Variants in WDR7 observed in about 807,000 individuals in gnomAD.
WDR7 encodes the protein WD repeat domain 7.
Under a neutral mutation model 169.4 loss-of-function variants are expected in WDR7, and 46 were observed. The observed-to-expected ratio is 0.27, with a 90% CI of 0.21 to 0.35. WDR7 has a LOEUF of 0.35. Among genes scored for constraint, WDR7 ranks in the 10% least tolerant of loss-of-function variants. WDR7 has a pLI of 1.00. For missense variants in WDR7, 1,534 were observed against 1,859.3 expected, an observed-to-expected ratio of 0.83 and a Z score of 3.22; for synonymous variants, 612 against 666.8, an observed-to-expected ratio of 0.92 and a Z score of 1.27.
intron 26 of WDR7, among the ~76,000 whole-genome samples, chr18:56,989,115 C>A (rs1459124271): frequency 1.3e-5 from 2 of 150,654 alleles, no homozygotes; most frequent in Non-Finnish European, 2.9e-5. Flanking sequence ...AATACCATGG[C>A]TAATTTTATA....
At chr18:56,688,460 G>A (rs375548733) in intron 7 of WDR7, among the ~76,000 whole-genome samples, 4 of 151,828 alleles carry the variant, frequency 2.6e-5, no homozygotes, top group South Asian at 2.1e-4. Context: ...GCTCATGCCT[G>A]TAATCCCAGC....
At chr18:56,685,677 T>C (rs1037853877) in intron 5 of WDR7, among the ~76,000 whole-genome samples, 2 of 152,200 alleles carry the variant, frequency 1.3e-5, no homozygotes, top group Non-Finnish European at 1.5e-5. Context: ...ATTGTTAACA[T>C]AGTAATCAAG....
intron 14 of WDR7, among the ~76,000 whole-genome samples, chr18:56,735,063 T>C (rs1050992381): frequency 6.6e-6 from 1 of 152,150 alleles, no homozygotes; most frequent in African/African-American, 2.4e-5. Context: ...TTTGATTGCT[T>C]AAGAAATATT....
chr18:56,730,117 C>T (rs998855742), intron 13 of WDR7, among the ~76,000 whole-genome samples: 1 of 152,168 alleles, frequency 6.6e-6, no homozygotes, highest in Non-Finnish European at 1.5e-5. Flanking sequence ...TACTCTGTGC[C>T]TCCAATGTGC....
intron 21 of WDR7, among the ~76,000 whole-genome samples, chr18:56,909,488 T>G (rs146810826): frequency 1.4e-3 from 212 of 152,280 alleles, no homozygotes; most frequent in African/African-American, 4.9e-3. Context: ...ATAGAAATAA[T>G]TATAGCAAGT....
chr18:56,664,786 G>T (rs531669808), intron 1 of WDR7, among the ~76,000 whole-genome samples: 2 of 152,256 alleles, frequency 1.3e-5, no homozygotes, highest in South Asian at 2.1e-4. Context: ...GAGAAACATA[G>T]GCTGTACAAA....
chr18:56,918,772 A>G (rs2046667537), intron 21 of WDR7, among the ~76,000 whole-genome samples: 1 of 152,206 alleles, frequency 6.6e-6, no homozygotes, highest in Non-Finnish European at 1.5e-5. Flanking sequence ...ACCTGTGCAT[A>G]ATTTTGACTG....
chr18:56,890,703 C>T (rs1848721003), intron 21 of WDR7: 1 of 152,168 alleles, frequency 6.6e-6, no homozygotes, highest in Non-Finnish European at 1.5e-5. Flanking sequence ...ACCTGGCCAT[C>T]CTGGCACTTG....
At chr18:56,781,040 C>T (rs1321727337) in intron 18 of WDR7, among the ~76,000 whole-genome samples, 1 of 152,046 alleles carries the variant, frequency 6.6e-6, no homozygotes, top group South Asian at 2.1e-4. Context: ...CTTAGGTATA[C>T]GTGAATCATG....
At chr18:56,818,677 A>G (rs897192915) in intron 20 of WDR7, among the ~76,000 whole-genome samples, 1 of 152,202 alleles carries the variant, frequency 6.6e-6, no homozygotes, top group Non-Finnish European at 1.5e-5. Context: ...TTAGAAGAAA[A>G]CCATATTTCT....
intron 20 of WDR7, among the ~76,000 whole-genome samples, chr18:56,871,593 T>C (rs1373969165): frequency 6.6e-6 from 1 of 152,152 alleles, no homozygotes; most frequent in Non-Finnish European, 1.5e-5. Context: ...AGAAACACTT[T>C]TATTGTTTAT....
chr18:57,021,732 A>G (rs1479381718), intron 27 of WDR7, among the ~76,000 whole-genome samples: 1 of 152,216 alleles, frequency 6.6e-6, no homozygotes, highest in African/African-American at 2.4e-5. Context: ...AACACCCCCA[A>G]AAAAGTTAAT....
At chr18:56,835,876 A>G (rs1297511930) in intron 20 of WDR7, among the ~76,000 whole-genome samples, 1 of 152,200 alleles carries the variant, frequency 6.6e-6, no homozygotes, top group African/African-American at 2.4e-5. Flanking sequence ...TTCCTCTGGT[A>G]TTAAAATTGT....
chr18:57,019,684 G>GA, intron 26 of WDR7, among the ~76,000 whole-genome samples: 1 of 152,098 alleles, frequency 6.6e-6, no homozygotes, highest in South Asian at 2.1e-4. Context: ...TATGTAATAT[G>GA]AAAAAAATCT....
chr18:56,971,281 C>CA (rs35114589), intron 26 of WDR7, among the ~76,000 whole-genome samples: 9,922 of 102,880 alleles, frequency 0.096, 356 homozygotes, highest in African/African-American at 0.13. Flanking sequence ...TTCTGTCTCC[C>CA]AAAAAAAAAA....
intron 20 of WDR7, among the ~76,000 whole-genome samples, chr18:56,826,157 C>G (rs1210590893): frequency 2.0e-5 from 3 of 152,124 alleles, no homozygotes; most frequent in Non-Finnish European, 4.4e-5. Context: ...GTAATAATAA[C>G]TCATGGATAA....
At chr18:56,668,314 C>T (rs2025064152) in intron 1 of WDR7, among the ~76,000 whole-genome samples, 1 of 152,196 alleles carries the variant, frequency 6.6e-6, no homozygotes, top group Non-Finnish European at 1.5e-5. Context: ...TGAGATTACA[C>T]CTCTGGCCCT....
intron 19 of WDR7, among the ~76,000 whole-genome samples, chr18:56,792,086 C>T (rs12454388): frequency 0.077 from 11,751 of 152,092 alleles, 524 homozygotes; most frequent in Middle Eastern, 0.15. Flanking sequence ...GGCACGATCA[C>T]GGCTGACTGC....
At chr18:56,654,799 C>T (rs2024731981) in intron 1 of WDR7, among the ~76,000 whole-genome samples, 1 of 152,180 alleles carries the variant, frequency 6.6e-6, no homozygotes, top group African/African-American at 2.4e-5. Context: ...TCATAGTTTT[C>T]TTTTAAACTT....
Sources: allele counts gnomAD v4.1 joint callset (sites outside exome capture counted in the v4.1 genomes callset), GRCh38; gene constraint gnomAD v4.1.1; transcripts MANE v1.5; gene names NCBI Gene and HGNC (gene_info 2026-07-23, HGNC 2026-07-21).